Variants in KCNQ5 observed in about 807,000 individuals in gnomAD.
KCNQ5 encodes the protein potassium voltage-gated channel subfamily KQT member 5.
A neutral mutation model predicts 98.2 loss-of-function variants in KCNQ5; 30 were observed. The observed-to-expected ratio is 0.31, with a 90% CI of 0.23 to 0.41. KCNQ5 has a LOEUF of 0.41. Ranked by LOEUF, KCNQ5 falls within the 10% of genes least tolerant of loss-of-function variation. The pLI, the probability that KCNQ5 is intolerant of heterozygous loss-of-function variation, is 1.00. For synonymous variants in KCNQ5, 458 were observed against 449.4 expected (o/e 1.02, Z -0.24); for missense variants, 835 against 1,182.5 (o/e 0.71, Z 4.31).
Position 72,920,496 on chromosome 6 carries a change from A to G in KCNQ5, c.399-83412A>G, listed in dbSNP as rs77011792. Reference sequence around the variant, plus strand: ...CCTACGCAGATCATTTATACTCCCCATAGCTTGCTCTATTATTAATAGGTG... The same window carrying G: ...CCTACGCAGATCATTTATACTCCCCGTAGCTTGCTCTATTATTAATAGGTG... On this transcript the variant is annotated intron_variant, in intron 1 of 13. Transcript: ENST00000370398. 3.3e-3 allele frequency among the ~76,000 whole-genome samples: 502 copies of G among 152,288 alleles called. 2 individuals carry two copies. The highest frequency in any genetic ancestry group is 0.012 in the African/African-American group (486 of 41,564).
At chr6:72,916,254 T>G (rs1320517875) in intron 1 of KCNQ5, among the ~76,000 whole-genome samples, 1 of 152,198 alleles carries the variant, frequency 6.6e-6, no homozygotes, top group Non-Finnish European at 1.5e-5. Flanking sequence ...AGGTATTAAT[T>G]CCTAATACAA....
At chr6:73,063,162 GT>G (rs2150377306) in intron 3 of KCNQ5, among the ~76,000 whole-genome samples, 1 of 152,262 alleles carries the variant, frequency 6.6e-6, no homozygotes, top group African/African-American at 2.4e-5. Flanking sequence ...CTAAGTTGTA[GT>G]ATCACATGTT....
chr6:72,896,315 TGTACCTTAAAA>T (rs1055429465), intron 1 of KCNQ5, among the ~76,000 whole-genome samples: 2 of 152,216 alleles, frequency 1.3e-5, no homozygotes, highest in Non-Finnish European at 2.9e-5. Context: ...GCATGTTGAC[TGTACCTTAAAA>T]GTACCCTATG....
intron 10 of KCNQ5, among the ~76,000 whole-genome samples, chr6:73,164,350 T>C (rs112375110): frequency 6.6e-5 from 10 of 152,300 alleles, no homozygotes; most frequent in African/African-American, 2.4e-4. Context: ...ATATTTCCTA[T>C]TCATTTGCTC....
chr6:72,625,860 C>T (rs550552251), intron 1 of KCNQ5, among the ~76,000 whole-genome samples: 2 of 152,282 alleles, frequency 1.3e-5, no homozygotes, highest in East Asian at 3.9e-4. Context: ...CTATTCCATT[C>T]TGTTTCTTAC....
intron 1 of KCNQ5, among the ~76,000 whole-genome samples, chr6:72,918,549 G>T (rs1412324127): frequency 6.6e-6 from 1 of 152,004 alleles, no homozygotes; most frequent in Non-Finnish European, 1.5e-5. Context: ...TTGGGGAAAA[G>T]TCAGAGTGAT....
At chr6:73,158,755 C>T (rs976390254) in intron 10 of KCNQ5, among the ~76,000 whole-genome samples, 1 of 152,070 alleles carries the variant, frequency 6.6e-6, no homozygotes, top group Admixed American at 6.5e-5. Context: ...AGCTACTTTT[C>T]TTTTCACATA....
At chr6:72,727,551 T>C (rs1411549703) in intron 1 of KCNQ5, among the ~76,000 whole-genome samples, 1 of 152,178 alleles carries the variant, frequency 6.6e-6, no homozygotes, top group African/African-American at 2.4e-5. Flanking sequence ...TGTAGACATA[T>C]AGCAGTGATT....
intron 1 of KCNQ5, among the ~76,000 whole-genome samples, chr6:72,979,165 T>G (rs547005312): frequency 3.3e-5 from 5 of 152,364 alleles, no homozygotes; most frequent in East Asian, 1.9e-4. Context: ...TATAGTAGCA[T>G]GATTATAATC....
chr6:72,706,869 A>G lies in KCNQ5; in HGVS notation c.398+84282A>G, dbSNP rs573874757. Among the ~76,000 whole-genome samples, 10 of 152,352 alleles carry G rather than the reference A, an allele frequency of 6.6e-5. 1 individual carries two copies. The highest frequency in any genetic ancestry group is 2.4e-4 in the African/African-American group (10 of 41,594). On this transcript the variant is annotated intron_variant, in intron 1 of 13. Coordinates refer to ENST00000370398, the MANE Select transcript of KCNQ5 (RefSeq NM_019842.4). ...TATTCCCTCTTGTCAAAAGAACAAT[A>G]CTTAGAACCACATGTAATAATTTTC... is the stretch of plus-strand genomic sequence containing the variant.
At chr6:73,071,913 G>T (rs1773316761) in intron 3 of KCNQ5, among the ~76,000 whole-genome samples, 1 of 152,048 alleles carries the variant, frequency 6.6e-6, no homozygotes, top group African/African-American at 2.4e-5. Flanking sequence ...ATATACATTT[G>T]TATTGTTTTG....
At chr6:72,847,854 T>C (rs1215570896) in intron 1 of KCNQ5, among the ~76,000 whole-genome samples, 2 of 152,098 alleles carry the variant, frequency 1.3e-5, no homozygotes, top group African/African-American at 2.4e-5. Context: ...AACCAAACCA[T>C]CTCTGACACT....
chr6:73,043,964 C>G (rs962643275), intron 3 of KCNQ5, among the ~76,000 whole-genome samples: 1 of 152,090 alleles, frequency 6.6e-6, no homozygotes, highest in Non-Finnish European at 1.5e-5. Flanking sequence ...TCTTACTTGC[C>G]TTTGGATGTA....
intron 1 of KCNQ5, among the ~76,000 whole-genome samples, chr6:72,969,939 A>C (rs1767796213): frequency 6.6e-6 from 1 of 152,166 alleles, no homozygotes. Context: ...TGCATAGAAG[A>C]TTGGCTCTAG....
intron 1 of KCNQ5, among the ~76,000 whole-genome samples, chr6:72,795,297 C>T (rs1774270028): frequency 6.6e-6 from 1 of 152,120 alleles, no homozygotes; most frequent in African/African-American, 2.4e-5. Flanking sequence ...AGAGAGGTGT[C>T]AGCCCCATCA....
chr6:73,130,254 A>C lies in KCNQ5; in HGVS notation c.1248-3167A>C, dbSNP rs909232196. On this transcript the variant is annotated intron_variant, in intron 9 of 13. Transcript: ENST00000370398. ...ATAACTACAGCATTCTAAGTCCCAG[A>C]GGATTACTGTGGGGTTATGATGATG... 2.6e-5 allele frequency among the ~76,000 whole-genome samples: 4 copies of C among 152,240 alleles called. No individual in the cohort carries two copies. The East Asian group carries it at 7.7e-4, about 29-fold the overall frequency.
intron 1 of KCNQ5, among the ~76,000 whole-genome samples, chr6:72,715,395 C>T (rs1013441040): frequency 6.6e-6 from 1 of 152,204 alleles, no homozygotes; most frequent in African/African-American, 2.4e-5. Context: ...ACCTTGCAAA[C>T]TTTGGCTGCT....
At chr6:73,169,691 A>G in intron 10 of KCNQ5, 55 bp from the exon 11 acceptor site, 2 of 1,281,332 alleles carry the variant, frequency 1.6e-6, no homozygotes, top group African/African-American at 1.5e-5. Context: ...AAATTCAGCA[A>G]CATGTTTCAA....
chr6:72,749,462 T>TA (rs138632686), intron 1 of KCNQ5, among the ~76,000 whole-genome samples: 25,082 of 151,674 alleles, frequency 0.17, 2,245 homozygotes, highest in African/African-American at 0.22. Context: ...GTGGAAAAAT[T>TA]AAAAAAAAAT....
Sources: allele counts gnomAD v4.1 joint callset (sites outside exome capture counted in the v4.1 genomes callset), GRCh38; gene constraint gnomAD v4.1.1; transcripts MANE v1.5; gene names NCBI Gene and HGNC (gene_info 2026-07-23, HGNC 2026-07-21).